BCAT1: variants seen among roughly 807,000 people sequenced by gnomAD.
BCAT1 encodes the protein branched chain amino acid transaminase 1, also known as branched-chain-amino-acid aminotransferase, cytosolic.
Under a neutral mutation model 52.4 loss-of-function variants are expected in BCAT1, and 48 were observed. The observed-to-expected ratio is 0.92, with a 90% confidence interval of 0.73 to 1.16. The LOEUF (loss-of-function observed/expected upper bound fraction) is 1.16, where lower values mean the gene tolerates loss of function less well. BCAT1 is among the 50% of genes most tolerant of loss of function. The pLI is 0.00. For synonymous variants in BCAT1, 167 were observed against 161.3 expected (o/e 1.04, Z -0.27); for missense variants, 451 against 457.1 (o/e 0.99, Z 0.12).
In BCAT1 at chr12:24,837,122, G is replaced by A. The variant is rs11612132; in HGVS notation, c.818-526C>T. 6.6e-4 allele frequency among the ~76,000 whole-genome samples: 39 copies of A among 59,506 alleles called. 1 individual carries two copies. The highest frequency in any genetic ancestry group is 1.1e-3 in the Non-Finnish European group (23 of 21,386). The allele number at this position is 59,506 out of a possible 152,430, so 39.0% of individuals were successfully genotyped here. ...AAGGAAGGAAGAAAGAGAAGGAAGGGAGGAAGGGGGGAGGGAAGGAAGGAA... is the reference window on the plus strand; with the variant it reads ...AAGGAAGGAAGAAAGAGAAGGAAGGAAGGAAGGGGGGAGGGAAGGAAGGAA... On this transcript the variant is annotated intron_variant, in intron 7 of 10. Coordinates refer to ENST00000261192, the MANE Select transcript of BCAT1 (RefSeq NM_005504.7).
intron 1 of BCAT1, among the ~76,000 whole-genome samples, chr12:24,936,723 T>TCACA (rs59426475): frequency 1.4e-5 from 2 of 141,800 alleles, no homozygotes; most frequent in African/African-American, 5.0e-5. Context: ...TCTCTCTCTC[T>TCACA]CACACACACA....
At chr12:24,884,521 T>A (rs10842421) in intron 3 of BCAT1, among the ~76,000 whole-genome samples, 3 of 152,144 alleles carry the variant, frequency 2.0e-5, no homozygotes, top group South Asian at 2.1e-4. Flanking sequence ...ATAAATATGT[T>A]CAGTGATGAG....
At chr12:24,902,225 T>C in intron 1 of BCAT1, 2 of 1,407,918 alleles carry the variant, frequency 1.4e-6, no homozygotes, top group Non-Finnish European at 1.8e-6. Context: ...GAGCAAATAG[T>C]CTAGACTGGG....
chr12:24,844,913 AAAAAG>A (rs1941296762), intron 6 of BCAT1, among the ~76,000 whole-genome samples: 1 of 136,944 alleles, frequency 7.3e-6, no homozygotes, highest in African/African-American at 2.7e-5. Context: ...AAAAAAAAAA[AAAAAG>A]AGTCCTTAAA....
intron 5 of BCAT1, among the ~76,000 whole-genome samples, chr12:24,861,437 C>CTACT (rs1286843590): frequency 3.3e-5 from 5 of 152,216 alleles, no homozygotes; most frequent in African/African-American, 4.8e-5. Flanking sequence ...CAGGATAAGA[C>CTACT]TACTCAACGT....
At chr12:24,847,838 T>A (rs1941392220) in intron 6 of BCAT1, among the ~76,000 whole-genome samples, 1 of 152,234 alleles carries the variant, frequency 6.6e-6, no homozygotes, top group African/African-American at 2.4e-5. Flanking sequence ...TATTTAATAA[T>A]ACCAGTTGAC....
intron 5 of BCAT1, among the ~76,000 whole-genome samples, chr12:24,853,593 CACAT>C (rs748798741): frequency 1.3e-5 from 2 of 152,106 alleles, no homozygotes; most frequent in Non-Finnish European, 2.9e-5. Context: ...TCCTGACTCT[CACAT>C]AAATTTTTTT....
chr12:24,923,491 T>G (rs1210917223), intron 1 of BCAT1, among the ~76,000 whole-genome samples: 1 of 152,192 alleles, frequency 6.6e-6, no homozygotes, highest in Admixed American at 6.5e-5. Flanking sequence ...CTCAGATCAC[T>G]GCAACCTCTG....
chr12:24,937,884 G>A (rs35593379), intron 1 of BCAT1, among the ~76,000 whole-genome samples: 2 of 152,132 alleles, frequency 1.3e-5, no homozygotes, highest in African/African-American at 4.8e-5. Flanking sequence ...GACCAAAAAT[G>A]ACTCATAGGA....
chr12:24,861,700 G>T (rs913702631), intron 5 of BCAT1, among the ~76,000 whole-genome samples: 1 of 152,194 alleles, frequency 6.6e-6, no homozygotes, highest in Non-Finnish European at 1.5e-5. Context: ...ATTTAAACCA[G>T]AGCAACTCCA....
At chr12:24,908,852 C>A (rs1943268602) in intron 1 of BCAT1, among the ~76,000 whole-genome samples, 1 of 152,216 alleles carries the variant, frequency 6.6e-6, no homozygotes, top group African/African-American at 2.4e-5. Flanking sequence ...GATTCGTTAT[C>A]CTGGTTCTAT....
chr12:24,855,318 A>G (rs571161391), intron 5 of BCAT1, among the ~76,000 whole-genome samples: 18 of 150,994 alleles, frequency 1.2e-4, no homozygotes, highest in South Asian at 4.1e-4. Flanking sequence ...AAAAAAAAAA[A>G]AAAGAAAGAA....
intron 5 of BCAT1, among the ~76,000 whole-genome samples, chr12:24,866,161 A>T (rs4459405): frequency 8.5e-4 from 129 of 152,108 alleles, no homozygotes; most frequent in Non-Finnish European, 1.8e-3. Context: ...GGCAGGCCCC[A>T]CATTCGGAGC....
rs111572359 is a variant in BCAT1 at position 24,863,477 on chromosome 12, A to G, written c.511-13528T>C. Among the ~76,000 whole-genome samples the G allele has an allele frequency of 7.1e-3, 1,085 of 152,356 alleles. 7 individuals are homozygous for G. The highest frequency in any genetic ancestry group is 9.1e-3 in the Non-Finnish European group (619 of 68,036). On this transcript the variant is annotated intron_variant, in intron 5 of 10. Transcript: ENST00000261192. ...GAAGAGTGGAAAATGAGCATTTGGG[A>G]AAAAGACAAGAATTATCATGCCAGT... is the stretch of plus-strand genomic sequence containing the variant.
chr12:24,881,917 T>C (rs916012138), intron 3 of BCAT1, among the ~76,000 whole-genome samples: 7 of 152,156 alleles, frequency 4.6e-5, no homozygotes, highest in Non-Finnish European at 2.9e-5. Context: ...CTCAAGACCA[T>C]ACTATGTTAA....
chr12:24,926,888 T>G (rs1406439754), intron 1 of BCAT1, among the ~76,000 whole-genome samples: 1 of 151,734 alleles, frequency 6.6e-6, no homozygotes, highest in Non-Finnish European at 1.5e-5. Flanking sequence ...CTGCTGACCT[T>G]CCCTCCACTA....
chr12:24,946,578 G>T (rs1943935618), intron 1 of BCAT1, among the ~76,000 whole-genome samples: 1 of 152,110 alleles, frequency 6.6e-6, no homozygotes, highest in Non-Finnish European at 1.5e-5. Flanking sequence ...AATGAGTGAG[G>T]CAGTTAGTCA....
At chr12:24,872,908 G>A (rs1451481663) in intron 5 of BCAT1, among the ~76,000 whole-genome samples, 1 of 152,232 alleles carries the variant, frequency 6.6e-6, no homozygotes, top group Admixed American at 6.5e-5. Context: ...CCTAAAAAGT[G>A]GAAGGCTAAG....
chr12:24,931,595 A>G (rs1278520575), intron 1 of BCAT1, among the ~76,000 whole-genome samples: 1 of 152,206 alleles, frequency 6.6e-6, no homozygotes, highest in African/African-American at 2.4e-5. Flanking sequence ...TGGACTTCCT[A>G]TCAGTAACAC....
Sources: gnomAD v4.1 joint callset for allele counts (sites outside exome capture counted in the v4.1 genomes callset) on GRCh38, gnomAD v4.1.1 for gene constraint, MANE v1.5 for transcripts, NCBI Gene and HGNC (gene_info 2026-07-23, HGNC 2026-07-21) for gene names.